The following CYS1 variants were observed in gnomAD, a reference collection of about 807,000 sequenced individuals.
The protein encoded by CYS1 is cystin 1.
In CYS1, 5 loss-of-function variants were observed where a neutral mutation model predicts 9.6. That is an observed-to-expected ratio of 0.52 (90% CI 0.27 to 1.10). The LOEUF is 1.10. Ranked by LOEUF, CYS1 falls within the 50% of genes least tolerant of loss-of-function variation. CYS1 has a pLI of 0.11. For synonymous variants in CYS1, 88 were observed against 95.7 expected (o/e 0.92, Z 0.47); for missense variants, 221 against 207.9 (o/e 1.06, Z -0.39).
chr2:10,059,056 T>C, intron 2 of CYS1, 98 bp from the exon 3 acceptor site: 1 of 1,159,532 alleles, frequency 8.6e-7, no homozygotes, highest in Non-Finnish European at 1.2e-6. Flanking sequence ...GGGCCCATCC[T>C]GAAACCCAAA....
chr2:10,071,849 C>T lies in CYS1; in HGVS notation c.319-5893G>A, dbSNP rs200538126. Among the ~76,000 whole-genome samples the T allele has an allele frequency of 1.2e-4, 18 of 152,216 alleles. No homozygotes were observed. The East Asian group carries it at 3.3e-3, about 28-fold the overall frequency. On this transcript the variant is annotated intron_variant, in intron 1 of 2. Transcript: ENST00000381813. ...AACCGGCAGCACCTGGGCTGGGGCC[C>T]TGGGAACTGAGCTGAGTTCAGGACC...
intron 1 of CYS1, among the ~76,000 whole-genome samples, chr2:10,074,132 T>C (rs11690388): frequency 0.25 from 37,993 of 152,142 alleles, 5,022 homozygotes; most frequent in South Asian, 0.35. Flanking sequence ...AACTGTACTC[T>C]GGTATGGCAT....
Position 10,056,474 on chromosome 2 carries a change from T to C in CYS1, c.*2379A>G, listed in dbSNP as rs1457117157. On this transcript the variant is annotated 3_prime_UTR_variant, in exon 3 of 3. Transcript: ENST00000381813. Reference sequence around the variant, plus strand: ...CTAAAAAAGAAACCGGGAGACACATTTGTGGTCACTTAAGATTTTTCCAGA... The same window carrying C: ...CTAAAAAAGAAACCGGGAGACACATCTGTGGTCACTTAAGATTTTTCCAGA... Among the ~76,000 whole-genome samples the C allele has an allele frequency of 6.6e-6, 1 of 152,214 alleles. No homozygotes were observed. The highest frequency in any genetic ancestry group is 2.4e-5 in the African/African-American group (1 of 41,464).
chr2:10,057,644 T>TTCTGTCTCCTCCTTCCCCC lies in CYS1; in HGVS notation c.*1190_*1208dup, dbSNP rs1661568907. The TTCTGTCTCCTCCTTCCCCC allele has an allele frequency of 6.6e-6, 1 of 152,592 alleles. No homozygotes were observed. Among genetic ancestry groups the TTCTGTCTCCTCCTTCCCCC allele is most frequent in the South Asian group, 2.1e-4 (1 of 4,822 alleles). The allele number at this position is 152,592 out of a possible 1,614,324, so 9.5% of individuals were successfully genotyped here. ...TTCCCCCTCTATCTCCTTCTTTCCC[T>TTCTGTCTCCTCCTTCCCCC]TCTGTCTCCTCCTTCCCCCTCTGTC... On this transcript the variant is annotated 3_prime_UTR_variant, in exon 3 of 3. Transcript: ENST00000381813.
intron 2 of CYS1, among the ~76,000 whole-genome samples, chr2:10,060,582 C>T (rs1661612386): frequency 1.3e-5 from 2 of 152,244 alleles, no homozygotes; most frequent in South Asian, 2.1e-4. Flanking sequence ...GCACTGCCCG[C>T]GGCCAGTGCG....
At position 10,076,773 on chromosome 2, in the gene CYS1, C is replaced by T. The variant is rs980331674; in HGVS notation, c.318+3133G>A. On this transcript the variant is annotated intron_variant, in intron 1 of 2. Transcript: ENST00000381813. The surrounding 1 kb of genome is among the most constrained non-coding windows in gnomAD (Gnocchi z 4.3). The stretch of plus-strand genomic sequence containing the variant: ...CCCAGGACAGAGCCCGGTGCCCATC[C>T]ATGCTTCCTAAGCACACGCTGGCAG... Among the ~76,000 whole-genome samples the T allele has an allele frequency of 7.9e-5, 12 of 152,172 alleles. No homozygotes were observed. Among genetic ancestry groups the T allele is most frequent in the African/African-American group, 2.9e-4 (12 of 41,436 alleles).
chr2:10,062,298 C>T (rs1166287828), intron 2 of CYS1, among the ~76,000 whole-genome samples: 2 of 152,198 alleles, frequency 1.3e-5, no homozygotes, highest in African/African-American at 2.4e-5. Flanking sequence ...TACGCTTCTC[C>T]AGAGAGAACA....
intron 1 of CYS1, among the ~76,000 whole-genome samples, chr2:10,077,690 T>A (rs1429099303): frequency 6.6e-6 from 1 of 151,654 alleles, no homozygotes; most frequent in African/African-American, 2.4e-5. Context: ...CTGGCCGTGG[T>A]GGCGCACATC....
intron 1 of CYS1, among the ~76,000 whole-genome samples, chr2:10,071,617 T>C (rs563441782): frequency 6.6e-6 from 1 of 152,222 alleles, no homozygotes; most frequent in African/African-American, 2.4e-5. Context: ...TCTGGCCAAT[T>C]TGTTTAAGCC....
chr2:10,079,036 C>T (rs1018006430), intron 1 of CYS1, among the ~76,000 whole-genome samples: 33 of 152,206 alleles, frequency 2.2e-4, no homozygotes, highest in Admixed American at 3.9e-4. Flanking sequence ...TTAAAGGAAT[C>T]TTGTTATATA....
chr2:10,064,701 T>C (rs934738433), intron 2 of CYS1, among the ~76,000 whole-genome samples: 3 of 151,762 alleles, frequency 2.0e-5, no homozygotes, highest in Non-Finnish European at 2.9e-5. Context: ...AGCCATATTA[T>C]TTTTATATTT....
rs11681501 is a variant in CYS1, at chr2:10,063,379, T to A, written c.371+2525A>T. On this transcript the variant is annotated intron_variant, in intron 2 of 2. Coordinates refer to ENST00000381813, the MANE Select transcript of CYS1 (RefSeq NM_001037160.3). This position sits in a 1 kb window ranked among gnomAD's most constrained non-coding sequence, Gnocchi z 4.2. The stretch of plus-strand genomic sequence containing the variant: ...GGGGATAGAGTATGAGGGGGAGATG[T>A]TTAAACTGTGCTTTGAAGGGTTTCT... Among the ~76,000 whole-genome samples the A allele has an allele frequency of 0.017, 2,603 of 152,286 alleles. 77 individuals are homozygous for A. The highest frequency in any genetic ancestry group is 0.06 in the African/African-American group (2,496 of 41,552).
chr2:10,072,828 GGCA>G (rs1434390476), intron 1 of CYS1, among the ~76,000 whole-genome samples: 38 of 152,344 alleles, frequency 2.5e-4, no homozygotes, highest in Admixed American at 2.2e-3. Context: ...GGGCTTTGCA[GGCA>G]GCAGAAGCTG....
intron 1 of CYS1, among the ~76,000 whole-genome samples, chr2:10,074,648 A>T (rs1377842807): frequency 6.6e-6 from 1 of 152,234 alleles, no homozygotes; most frequent in Non-Finnish European, 1.5e-5. Context: ...TTTTAAAATA[A>T]ACATTTAAAA....
rs1661585522 is a variant in CYS1 at position 10,058,792 on chromosome 2, G to C, written c.*61C>G. The C allele has an allele frequency of 3.5e-6, 5 of 1,417,040 alleles. No individual in the cohort carries two copies. Among genetic ancestry groups the C allele is most frequent in the Non-Finnish European group, 4.8e-6 (5 of 1,041,938 alleles). The allele number at this position is 1,417,040 out of a possible 1,614,324, so 87.8% of individuals were successfully genotyped here. On this transcript the variant is annotated 3_prime_UTR_variant, in exon 3 of 3. Coordinates refer to ENST00000381813, the MANE Select transcript of CYS1 (RefSeq NM_001037160.3). Reference sequence around the variant, plus strand: ...CAGCTCCTGCTAGAGCTCTGTGCAAGCAGAGGGTGCCCCAGCCAGCAGGTG... The same window carrying C: ...CAGCTCCTGCTAGAGCTCTGTGCAACCAGAGGGTGCCCCAGCCAGCAGGTG...
rs1356118498 is a variant in CYS1 at position 10,056,938 on chromosome 2, G to A, written c.*1915C>T. 1 of 152,192 alleles carries A rather than the reference G, an allele frequency of 6.6e-6. No individual in the cohort carries two copies. Among genetic ancestry groups the A allele is most frequent in the East Asian group, 1.9e-4 (1 of 5,202 alleles). 9.4% of individuals were successfully genotyped at this position (152,192 alleles called of 1,614,324 possible). A position where few individuals can be genotyped will look rare whatever the true frequency, so the allele number is the denominator to read the frequency against. On this transcript the variant is annotated 3_prime_UTR_variant, in exon 3 of 3. Transcript: ENST00000381813. ...TTAAAAACCTGAGAACAATTCCTGT[G>A]ACTTCTTAGCTTTGATGAAGTGCAT... is the stretch of plus-strand genomic sequence containing the variant.
intron 1 of CYS1, among the ~76,000 whole-genome samples, chr2:10,079,146 G>C (rs543850313): frequency 6.6e-6 from 1 of 151,986 alleles, no homozygotes; most frequent in East Asian, 1.9e-4. Context: ...GTGCACTGTC[G>C]CCTGGGGCTG....
At chr2:10,069,343 GA>G (rs914795956) in intron 1 of CYS1, among the ~76,000 whole-genome samples, 81 of 152,038 alleles carry the variant, frequency 5.3e-4, no homozygotes, top group African/African-American at 1.8e-3. Context: ...CTTTCTGGAG[GA>G]AAAAAAATTA....
chr2:10,069,302 T>TA (rs1661734080), intron 1 of CYS1, among the ~76,000 whole-genome samples: 1 of 152,206 alleles, frequency 6.6e-6, no homozygotes, highest in Admixed American at 6.5e-5. Context: ...TTTTCAGACA[T>TA]ACAAAGACTT....
Sources: allele counts gnomAD v4.1 joint callset (sites outside exome capture counted in the v4.1 genomes callset), GRCh38; gene constraint gnomAD v4.1.1; non-coding constraint Gnocchi (gnomAD v3.1); transcripts MANE v1.5; gene names NCBI Gene and HGNC (gene_info 2026-07-23, HGNC 2026-07-21).